The following PPP1R9A variants were observed in gnomAD, a reference collection of about 807,000 sequenced individuals.
PPP1R9A encodes neurabin-1.
In PPP1R9A, 59 loss-of-function variants were observed where a neutral mutation model predicts 141.9. That is an observed-to-expected ratio of 0.42 (90% CI 0.34 to 0.52). PPP1R9A has a LOEUF of 0.52. Ranked by LOEUF, PPP1R9A falls within the 20% of genes least tolerant of loss-of-function variation. PPP1R9A has a pLI of 0.10. For synonymous variants in PPP1R9A, 500 were observed against 569.7 expected (o/e 0.88, Z 1.74); for missense variants, 1,444 against 1,611.9 (o/e 0.90, Z 1.78).
intron 4 of PPP1R9A, among the ~76,000 whole-genome samples, chr7:95,159,916 A>G (rs1222257718): frequency 7.3e-6 from 1 of 136,396 alleles, no homozygotes; most frequent in Non-Finnish European, 1.6e-5. Flanking sequence ...ACAGAGGGAG[A>G]CATTGTCTCA....
At chr7:95,207,220 AG>A (rs1215393464) in intron 7 of PPP1R9A, among the ~76,000 whole-genome samples, 3 of 152,060 alleles carry the variant, frequency 2.0e-5, no homozygotes, top group African/African-American at 7.2e-5. Context: ...AAAGGGAGGG[AG>A]GAAAAGAAAA....
At chr7:95,073,624 G>GTTT (rs36077129) in intron 2 of PPP1R9A, among the ~76,000 whole-genome samples, 72 of 105,544 alleles carry the variant, frequency 6.8e-4, no homozygotes, top group Non-Finnish European at 8.3e-4. Context: ...AAAGAAATAA[G>GTTT]TTTTTTTTTT....
chr7:95,075,251 A>G (rs1814663507), intron 2 of PPP1R9A, among the ~76,000 whole-genome samples: 1 of 152,154 alleles, frequency 6.6e-6, no homozygotes. Flanking sequence ...TATCTTTGCC[A>G]ACACAGGATC....
chr7:94,914,545 G>A (rs1791835329), intron 2 of PPP1R9A, among the ~76,000 whole-genome samples: 1 of 152,006 alleles, frequency 6.6e-6, no homozygotes, highest in South Asian at 2.1e-4. Flanking sequence ...TGTTTCATAG[G>A]GTCATGAAAT....
intron 16 of PPP1R9A, among the ~76,000 whole-genome samples, chr7:95,276,069 G>GA (rs1803131650): frequency 6.6e-6 from 1 of 152,042 alleles, no homozygotes; most frequent in African/African-American, 2.4e-5. Context: ...CATACTCATG[G>GA]AAAAAAACAA....
chr7:95,099,228 G>A (rs1427043754), intron 2 of PPP1R9A, among the ~76,000 whole-genome samples: 1 of 152,178 alleles, frequency 6.6e-6, no homozygotes, highest in East Asian at 1.9e-4. Flanking sequence ...TTGGAATGAG[G>A]AGTAAGTTAT....
chr7:95,084,360 A>G (rs1465110805), intron 2 of PPP1R9A, among the ~76,000 whole-genome samples: 1 of 152,050 alleles, frequency 6.6e-6, no homozygotes, highest in Non-Finnish European at 1.5e-5. Context: ...GCTAAACGTC[A>G]CTAAGAAATT....
intron 12 of PPP1R9A, among the ~76,000 whole-genome samples, chr7:95,252,981 T>C (rs1379260316): frequency 1.3e-5 from 2 of 152,246 alleles, no homozygotes; most frequent in Non-Finnish European, 2.9e-5. Context: ...TAAATGATTA[T>C]CTTCATTCAT....
At position 94,957,291 on chromosome 7, in the gene PPP1R9A, G is replaced by C. The variant is rs183596874; in HGVS notation, c.1395+45783G>C. On this transcript the variant is annotated intron_variant, in intron 2 of 19. Transcript: ENST00000433360. ...GTCTAGCTGCTTGGGTGTCATGCTT[G>C]ACAGGGGTTAAAACTTGAAGTTCCT... 3.4e-3 allele frequency among the ~76,000 whole-genome samples: 516 copies of C among 152,220 alleles called. 5 individuals carry two copies. The highest frequency in any genetic ancestry group is 0.012 in the African/African-American group (491 of 41,542).
intron 2 of PPP1R9A, among the ~76,000 whole-genome samples, chr7:95,008,125 A>G (rs1803882089): frequency 6.6e-6 from 1 of 152,166 alleles, no homozygotes; most frequent in African/African-American, 2.4e-5. Context: ...TCTCCTGTAA[A>G]ATTGAAATAA....
chr7:95,056,635 G>A, intron 2 of PPP1R9A, among the ~76,000 whole-genome samples: 1 of 152,064 alleles, frequency 6.6e-6, no homozygotes, highest in Non-Finnish European at 1.5e-5. Flanking sequence ...TGCATGCATT[G>A]TTTGACCATA....
chr7:94,991,684 T>C (rs1204019647), intron 2 of PPP1R9A, among the ~76,000 whole-genome samples: 1 of 152,172 alleles, frequency 6.6e-6, no homozygotes, highest in Admixed American at 6.5e-5. Context: ...AGAGTCTCGC[T>C]CTGTCACCCA....
At chr7:94,925,750 A>C (rs1793397323) in intron 2 of PPP1R9A, among the ~76,000 whole-genome samples, 2 of 152,038 alleles carry the variant, frequency 1.3e-5, no homozygotes, top group Admixed American at 1.3e-4. Context: ...TGTTATGTTC[A>C]TCATCTCTGC....
At chr7:95,053,005 C>A (rs1479965113) in intron 2 of PPP1R9A, among the ~76,000 whole-genome samples, 3 of 152,168 alleles carry the variant, frequency 2.0e-5, no homozygotes, top group Non-Finnish European at 4.4e-5. Context: ...CCCCTTCTTC[C>A]AGCCTATTAT....
chr7:95,061,426 T>C (rs564668385), intron 2 of PPP1R9A, among the ~76,000 whole-genome samples: 4 of 152,252 alleles, frequency 2.6e-5, no homozygotes, highest in Non-Finnish European at 4.4e-5. Context: ...TTGTTATCAT[T>C]CTTTGAATGA....
intron 9 of PPP1R9A, among the ~76,000 whole-genome samples, chr7:95,248,546 G>A (rs571403276): frequency 6.6e-6 from 1 of 152,194 alleles, no homozygotes; most frequent in South Asian, 2.1e-4. Context: ...AATAAAAGAT[G>A]CAGTAAATAA....
At chr7:94,955,154 GAA>G (rs1381395883) in intron 2 of PPP1R9A, among the ~76,000 whole-genome samples, 10 of 151,502 alleles carry the variant, frequency 6.6e-5, no homozygotes, top group African/African-American at 2.4e-4. Context: ...CCTTTTTCCT[GAA>G]GTGTACATCT....
intron 2 of PPP1R9A, among the ~76,000 whole-genome samples, chr7:94,912,176 G>C (rs1408435892): frequency 1.3e-5 from 2 of 152,156 alleles, no homozygotes; most frequent in Non-Finnish European, 2.9e-5. Context: ...ACATTGATTT[G>C]CCATTCATGG....
chr7:94,991,975 G>A (rs1801572833), intron 2 of PPP1R9A, among the ~76,000 whole-genome samples: 1 of 152,142 alleles, frequency 6.6e-6, no homozygotes, highest in African/African-American at 2.4e-5. Context: ...CTTATTCAAA[G>A]TTTCTCCTTT....
Sources: gnomAD v4.1 joint callset for allele counts (sites outside exome capture counted in the v4.1 genomes callset) on GRCh38, gnomAD v4.1.1 for gene constraint, MANE v1.5 for transcripts, NCBI Gene and HGNC (gene_info 2026-07-23, HGNC 2026-07-21) for gene names.